The following GRIA3 variants were observed in gnomAD, a reference collection of about 807,000 sequenced individuals.
The protein encoded by GRIA3 is glutamate receptor 3.
Under a neutral mutation model 63.0 loss-of-function variants are expected in GRIA3, and 3 were observed. The observed-to-expected ratio is 0.05, with a 90% confidence interval of 0.02 to 0.12. The LOEUF is 0.12. Ranked by LOEUF, GRIA3 falls within the 10% of genes least tolerant of loss-of-function variation. The pLI is 1.00. For synonymous variants in GRIA3, 274 were observed against 257.9 expected, an observed-to-expected ratio of 1.06 and a Z score of -0.60; for missense variants, 347 against 700.9, an observed-to-expected ratio of 0.50 and a Z score of 5.70.
At chrX:123,301,267 G>T (rs914962831) in intron 3 of GRIA3, among the ~76,000 whole-genome samples, 1 of 111,296 alleles carries the variant, frequency 9.0e-6, no homozygotes, top group African/African-American at 3.3e-5. Context: ...TGTCAGTGGG[G>T]TGTTGAAGTA....
intron 2 of GRIA3, among the ~76,000 whole-genome samples, chrX:123,210,059 C>T (rs1232765967): frequency 9.2e-6 from 1 of 108,821 alleles, no homozygotes; most frequent in Non-Finnish European, 1.9e-5. Flanking sequence ...TCATCAACTC[C>T]ATGATTTATT....
intron 5 of GRIA3, among the ~76,000 whole-genome samples, chrX:123,368,740 C>G (rs1270313657): frequency 2.1e-5 from 2 of 97,326 alleles, no homozygotes; most frequent in Non-Finnish European, 4.0e-5. Context: ...TTCAATTTCT[C>G]AAAAGAGTGA....
chrX:123,299,978 T>C (rs186547934), intron 3 of GRIA3, among the ~76,000 whole-genome samples: 28 of 111,811 alleles, frequency 2.5e-4, no homozygotes, highest in Admixed American at 2.4e-3. Flanking sequence ...CTGCATATAT[T>C]AAGGTAATCA....
chrX:123,278,686 T>C (rs763188441), intron 3 of GRIA3, among the ~76,000 whole-genome samples: 1 of 112,567 alleles, frequency 8.9e-6, no homozygotes, highest in Non-Finnish European at 1.9e-5. Flanking sequence ...AGGCTGTCCT[T>C]TTCCCAAATG....
intron 3 of GRIA3, among the ~76,000 whole-genome samples, chrX:123,315,608 T>C (rs1327689989): frequency 8.9e-6 from 1 of 112,168 alleles, no homozygotes; most frequent in Non-Finnish European, 1.9e-5. Context: ...GATTTTTGTA[T>C]ATCAGGTTTC....
At chrX:123,269,987 T>C (rs781459291) in intron 3 of GRIA3, among the ~76,000 whole-genome samples, 2 of 112,715 alleles carry the variant, frequency 1.8e-5, no homozygotes, top group Non-Finnish European at 3.7e-5. Flanking sequence ...CCACCAAAAA[T>C]ATATCTACAT....
At chrX:123,333,250 A>G (rs2044953383) in intron 4 of GRIA3, among the ~76,000 whole-genome samples, 1 of 111,873 alleles carries the variant, frequency 8.9e-6, no homozygotes, top group Admixed American at 9.5e-5. Flanking sequence ...ACAGAAAGGG[A>G]TCTCTTGGAG....
intron 2 of GRIA3, among the ~76,000 whole-genome samples, chrX:123,217,983 C>T: frequency 8.9e-6 from 1 of 112,510 alleles, no homozygotes. Flanking sequence ...GTGATATAAT[C>T]GTTTGGGGGA....
intron 3 of GRIA3, among the ~76,000 whole-genome samples, chrX:123,271,858 G>C (rs769603328): frequency 8.9e-6 from 1 of 112,127 alleles, no homozygotes; most frequent in South Asian, 3.7e-4. Context: ...CCCAGTGAAA[G>C]TGTTCTTCCT....
At chrX:123,364,562 G>C (rs2045198405) in intron 5 of GRIA3, among the ~76,000 whole-genome samples, 1 of 112,294 alleles carries the variant, frequency 8.9e-6, no homozygotes, top group South Asian at 3.7e-4. Context: ...CAGTATGGAG[G>C]TTCCTCAAAA....
At chrX:123,293,713 A>C (rs892516005) in intron 3 of GRIA3, among the ~76,000 whole-genome samples, 2 of 110,546 alleles carry the variant, frequency 1.8e-5, no homozygotes, top group Non-Finnish European at 3.8e-5. Flanking sequence ...TACAGGAAGA[A>C]GACACTGGAT....
At chrX:123,246,115 T>C (rs1734501284) in intron 2 of GRIA3, among the ~76,000 whole-genome samples, 1 of 111,699 alleles carries the variant, frequency 9.0e-6, no homozygotes, top group South Asian at 3.8e-4. Context: ...GACTAGATAA[T>C]TCATTTCCAA....
At chrX:123,314,239 T>C (rs895232635) in intron 3 of GRIA3, among the ~76,000 whole-genome samples, 5 of 112,316 alleles carry the variant, frequency 4.5e-5, no homozygotes, top group Non-Finnish European at 9.4e-5. Context: ...GGAAATGTCA[T>C]GTAAGAAACC....
intron 5 of GRIA3, among the ~76,000 whole-genome samples, chrX:123,379,856 A>G (rs2045311993): frequency 1.1e-5 from 1 of 87,123 alleles, no homozygotes; most frequent in Admixed American, 1.6e-4. Context: ...ATGTGTTCTC[A>G]TTGTTCAATT....
At chrX:123,361,755 T>C (rs1434656055) in intron 5 of GRIA3, among the ~76,000 whole-genome samples, 1 of 111,248 alleles carries the variant, frequency 9.0e-6, no homozygotes, top group Non-Finnish European at 1.9e-5. Flanking sequence ...TACCCAATGT[T>C]ATAGCAAGAT....
At chrX:123,287,556 C>T (rs2044628264) in intron 3 of GRIA3, among the ~76,000 whole-genome samples, 1 of 112,182 alleles carries the variant, frequency 8.9e-6, no homozygotes, top group Non-Finnish European at 1.9e-5. Flanking sequence ...TGATAAGCAA[C>T]TTCAGCAAAG....
intron 2 of GRIA3, among the ~76,000 whole-genome samples, chrX:123,188,208 C>T (rs902896059): frequency 1.1e-4 from 12 of 111,770 alleles, no homozygotes; most frequent in Admixed American, 8.5e-4. Context: ...AGGAGGAAAG[C>T]TGTCATCTTC....
chrX:123,406,013 A>T (rs1048812464), intron 10 of GRIA3, among the ~76,000 whole-genome samples: 3 of 112,673 alleles, frequency 2.7e-5, no homozygotes, highest in African/African-American at 9.7e-5. Context: ...CTATAGTCCA[A>T]CTGCAAAAGA....
intron 5 of GRIA3, among the ~76,000 whole-genome samples, chrX:123,383,473 T>C (rs1318975366): frequency 9.0e-6 from 1 of 111,622 alleles, no homozygotes; most frequent in Non-Finnish European, 1.9e-5. Flanking sequence ...ACTATCATTC[T>C]ACTCTCTACT....
Sources: gnomAD v4.1 joint callset for allele counts (sites outside exome capture counted in the v4.1 genomes callset) on GRCh38, gnomAD v4.1.1 for gene constraint, MANE v1.5 for transcripts, NCBI Gene and HGNC (gene_info 2026-07-23, HGNC 2026-07-21) for gene names.